The following ZBTB20 variants were observed in gnomAD, a reference collection of about 807,000 sequenced individuals.
ZBTB20 encodes the protein zinc finger and BTB domain containing 20.
Under a neutral mutation model 56.9 loss-of-function variants are expected in ZBTB20, and 9 were observed. The observed-to-expected ratio is 0.16, with a 90% CI of 0.10 to 0.28. ZBTB20 has a LOEUF of 0.28. ZBTB20 is among the 10% of genes least tolerant of loss of function. The probability of loss-of-function intolerance (pLI) is 1.00; values close to 1 mark genes in which losing one functional copy is unlikely to be tolerated. For synonymous variants in ZBTB20, 417 were observed against 420.7 expected (o/e 0.99, Z 0.11); for missense variants, 655 against 1,003.0 (o/e 0.65, Z 4.69).
At chr3:114,977,707 T>C (rs530175552) in intron 2 of ZBTB20, among the ~76,000 whole-genome samples, 3 of 152,268 alleles carry the variant, frequency 2.0e-5, no homozygotes, top group African/African-American at 7.2e-5. Flanking sequence ...TACATATGTA[T>C]AATTTTCTGA....
At chr3:115,130,295 A>C (rs1366085494) in intron 1 of ZBTB20, among the ~76,000 whole-genome samples, 1 of 152,196 alleles carries the variant, frequency 6.6e-6, no homozygotes, top group Non-Finnish European at 1.5e-5. Flanking sequence ...AGGTCAAATC[A>C]GCAAATATTT....
chr3:114,496,920 C>A (rs991755847), intron 7 of ZBTB20, among the ~76,000 whole-genome samples: 2 of 152,210 alleles, frequency 1.3e-5, no homozygotes, highest in African/African-American at 4.8e-5. Flanking sequence ...GCTCCTCCCT[C>A]ACACCCACTA....
chr3:114,748,150 G>A (rs184341991), intron 5 of ZBTB20, among the ~76,000 whole-genome samples: 1 of 152,202 alleles, frequency 6.6e-6, no homozygotes, highest in Admixed American at 6.5e-5. Context: ...GGGTGAACAT[G>A]GGAGATACTG....
intron 1 of ZBTB20, among the ~76,000 whole-genome samples, chr3:115,145,295 CA>C (rs1250346819): frequency 6.6e-6 from 1 of 151,856 alleles, no homozygotes; most frequent in East Asian, 1.9e-4. Flanking sequence ...CATTTTAAAG[CA>C]AAAAAGCAAA....
chr3:114,482,905 T>C (rs2041712852), intron 7 of ZBTB20, among the ~76,000 whole-genome samples: 1 of 152,226 alleles, frequency 6.6e-6, no homozygotes, highest in South Asian at 2.1e-4. Flanking sequence ...AATTATTTAT[T>C]CATTCTCCAA....
At chr3:114,391,708 C>T (rs9859272) in intron 7 of ZBTB20, among the ~76,000 whole-genome samples, 68,085 of 151,834 alleles carry the variant, frequency 0.45, 15,470 homozygotes, top group African/African-American at 0.51. Flanking sequence ...ACCCTCTTGC[C>T]TTGAGTCATA....
At position 114,622,950 on chromosome 3, in the gene ZBTB20, G is replaced by A. The variant is rs540857808; in HGVS notation, c.-295+70578C>T. Among the ~76,000 whole-genome samples the A allele has an allele frequency of 6.4e-4, 97 of 152,156 alleles. 1 individual carries two copies. The highest frequency in any genetic ancestry group is 1.3e-3 in the Non-Finnish European group (86 of 68,034). ...TTCAGCCTATGAGAACCATATTGGC[G>A]ACATCAAAGACTCCCCCTCTTTCCA... On this transcript the variant is annotated intron_variant, in intron 6 of 11. Transcript: ENST00000675478.
intron 6 of ZBTB20, among the ~76,000 whole-genome samples, chr3:114,525,430 G>A (rs1303339338): frequency 6.6e-6 from 1 of 151,812 alleles, no homozygotes; most frequent in African/African-American, 2.4e-5. Context: ...AAAACACCAT[G>A]TTCATTTCTA....
chr3:114,316,629 T>A lies in ZBTB20; in HGVS notation c.*22376A>T, dbSNP rs1265799694. ...CACTAGCACATGCTTAACTTTCCCC[T>A]GCTCCCTCTGTATATTTTAAACAGT... On this transcript the variant is annotated 3_prime_UTR_variant, in exon 12 of 12. Transcript: ENST00000675478. 1.9e-6 allele frequency: 1 copy of A among 518,386 alleles called. No individual in the cohort carries two copies. Among genetic ancestry groups the A allele is most frequent in the Non-Finnish European group, 3.9e-6 (1 of 253,654 alleles). 32.1% of individuals were successfully genotyped at this position (518,386 alleles called of 1,614,324 possible). A position where few individuals can be genotyped will look rare whatever the true frequency, so the allele number is the denominator to read the frequency against.
At chr3:114,912,387 G>A (rs1378066542) in intron 3 of ZBTB20, among the ~76,000 whole-genome samples, 2 of 151,254 alleles carry the variant, frequency 1.3e-5, no homozygotes, top group Non-Finnish European at 3.0e-5. Context: ...ATACTGAAAT[G>A]GTAATACGCA....
In ZBTB20 at chr3:114,339,125, G is replaced by A. The variant is rs571923112; in HGVS notation, c.2106C>T (p.Gly702=). The change falls in exon 12 of 12, where the codon GGC becomes GGT. Residue 702 remains glycine, a synonymous_variant. Coordinates refer to ENST00000675478, the MANE Select transcript of ZBTB20 (RefSeq NM_001348800.3). This position sits in a 1 kb window ranked among gnomAD's most constrained non-coding sequence, Gnocchi z 4.2. The stretch of plus-strand genomic sequence containing the variant: ...CCGTGCAGGCCACCACGCCTGGGGG[G>A]CCAGCGCGGGCACCTGGGGGTGTGC... ...PAGTPPGARA[G]PPGVVACTEG... The A allele has an allele frequency of 1.4e-5, 23 of 1,611,114 alleles. No homozygotes were observed. The highest frequency in any genetic ancestry group is 2.0e-5 in the Non-Finnish European group (23 of 1,178,122).
intron 7 of ZBTB20, among the ~76,000 whole-genome samples, chr3:114,424,914 GTTTC>G (rs924490259): frequency 7.2e-5 from 11 of 152,202 alleles, no homozygotes; most frequent in South Asian, 2.1e-4. Flanking sequence ...GGATTCTTCA[GTTTC>G]TTTCTTTCTT....
intron 5 of ZBTB20, among the ~76,000 whole-genome samples, chr3:114,751,332 G>C (rs1248280773): frequency 1.3e-5 from 2 of 152,044 alleles, no homozygotes; most frequent in African/African-American, 4.8e-5. Context: ...TTTTCCATTT[G>C]AAGATTTAGT....
chr3:115,093,081 G>C (rs1209704226), intron 1 of ZBTB20, among the ~76,000 whole-genome samples: 2 of 152,056 alleles, frequency 1.3e-5, no homozygotes, highest in Non-Finnish European at 2.9e-5. Context: ...GGGACAGAGA[G>C]ATCATGATGT....
intron 6 of ZBTB20, among the ~76,000 whole-genome samples, chr3:114,516,004 ATTTT>A (rs34260800): frequency 5.7e-5 from 8 of 141,232 alleles, no homozygotes; most frequent in Admixed American, 1.4e-4. Flanking sequence ...TAATTAAACA[ATTTT>A]TTTTTTTTTT....
rs956793988 is a variant in ZBTB20 at position 114,678,935 on chromosome 3, A to G, written c.-295+14593T>C. Among the ~76,000 whole-genome samples, 11 of 152,218 alleles carry G rather than the reference A, an allele frequency of 7.2e-5. 1 individual carries two copies. Among genetic ancestry groups the G allele is most frequent in the Middle Eastern group, 6.3e-3 (2 of 316 alleles). ...TAAGAGAGAACAGAAGTAAGAAAAT[A>G]AAGTGATTATAATTGTAACTGCCAT... On this transcript the variant is annotated intron_variant, in intron 6 of 11. Coordinates refer to ENST00000675478, the MANE Select transcript of ZBTB20 (RefSeq NM_001348800.3).
intron 7 of ZBTB20, among the ~76,000 whole-genome samples, chr3:114,444,551 T>C (rs1355550821): frequency 1.3e-5 from 2 of 152,176 alleles, no homozygotes; most frequent in African/African-American, 2.4e-5. Context: ...CCTTTTGGCA[T>C]AGGAGTACAT....
At chr3:114,406,308 G>C (rs1214389055) in intron 7 of ZBTB20, among the ~76,000 whole-genome samples, 3 of 152,164 alleles carry the variant, frequency 2.0e-5, no homozygotes, top group Non-Finnish European at 4.4e-5. Context: ...TCTAGCAGAA[G>C]TGAAAGAGTT....
chr3:114,383,432 C>T (rs2084643585), intron 8 of ZBTB20, among the ~76,000 whole-genome samples: 1 of 152,148 alleles, frequency 6.6e-6, no homozygotes, highest in South Asian at 2.1e-4. Flanking sequence ...CCCTTGTTTC[C>T]TTCCCTAGAT....
Sources: allele counts gnomAD v4.1 joint callset (sites outside exome capture counted in the v4.1 genomes callset), GRCh38; gene constraint gnomAD v4.1.1; non-coding constraint Gnocchi (gnomAD v3.1); transcripts MANE v1.5; gene names NCBI Gene and HGNC (gene_info 2026-07-23, HGNC 2026-07-21).